The following SDCCAG8 variants were observed in gnomAD, a reference collection of about 807,000 sequenced individuals.
SDCCAG8 encodes the protein serologically defined colon cancer antigen 8.
Under a neutral mutation model 101.8 loss-of-function variants are expected in SDCCAG8, and 74 were observed. The observed-to-expected ratio is 0.73, with a 90% CI of 0.60 to 0.88. The LOEUF (loss-of-function observed/expected upper bound fraction) is 0.88. Ranked by LOEUF, SDCCAG8 falls within the 40% of genes least tolerant of loss-of-function variation. SDCCAG8 has a pLI of 0.00. For synonymous variants in SDCCAG8, 281 were observed against 292.9 expected, an observed-to-expected ratio of 0.96 and a Z score of 0.41; for missense variants, 787 against 822.6, an observed-to-expected ratio of 0.96 and a Z score of 0.53.
intron 16 of SDCCAG8, among the ~76,000 whole-genome samples, chr1:243,472,462 C>T (rs1252420722): frequency 6.6e-6 from 1 of 152,160 alleles, no homozygotes; most frequent in African/African-American, 2.4e-5. Context: ...GGGCAGAGTG[C>T]CCTTCCTCCT....
chr1:243,304,784 T>G lies in SDCCAG8; in HGVS notation c.740+7T>G. On this transcript the variant is annotated splice_region_variant and intron_variant, in intron 7 of 17. Coordinates refer to ENST00000366541, the MANE Select transcript of SDCCAG8 (RefSeq NM_006642.5). ...CCCAATTGAAGTTTTTGAGGTAAAG[T>G]GAAATCGTCCATTTATAGTCATACC... The G allele has an allele frequency of 6.5e-7, 1 of 1,530,212 alleles. No individual in the cohort carries two copies. Among genetic ancestry groups the G allele is most frequent in the Non-Finnish European group, 9.1e-7 (1 of 1,103,658 alleles). The allele number at this position is 1,530,212 out of a possible 1,614,324, so 94.8% of individuals were successfully genotyped here.
At chr1:243,294,482 G>GGGAGAGAGAGAGAGAGAAAGAGAGAGAGA (rs1259035129) in intron 6 of SDCCAG8, among the ~76,000 whole-genome samples, 4 of 99,970 alleles carry the variant, frequency 4.0e-5, no homozygotes, top group Non-Finnish European at 7.9e-5. Flanking sequence ...GTGGGGGGGG[G>GGGAGAGAGAGAGAGAGAAAGAGAGAGAGA]GAGAGAGAGA....
intron 13 of SDCCAG8, among the ~76,000 whole-genome samples, chr1:243,391,107 T>C (rs983048095): frequency 6.6e-6 from 1 of 152,236 alleles, no homozygotes; most frequent in Admixed American, 6.5e-5. Context: ...CTTTGATATT[T>C]AGTTTCTTCT....
In SDCCAG8 at chr1:243,474,762, A is replaced by G. The variant is rs141474750; in HGVS notation, c.1986-14252A>G. On this transcript the variant is annotated intron_variant, in intron 16 of 17. Coordinates refer to ENST00000366541, the MANE Select transcript of SDCCAG8 (RefSeq NM_006642.5). The surrounding 1 kb of genome is among the most constrained non-coding windows in gnomAD (Gnocchi z 4.7). The stretch of plus-strand genomic sequence containing the variant: ...GCGTGGCAGCGCAGGGCTCGGCTAG[A>G]TGCGCTCCTCCTCGGACTGGTTGAG... Among the ~76,000 whole-genome samples, 10 of 152,298 alleles carry G rather than the reference A, an allele frequency of 6.6e-5. No homozygotes were observed. The highest frequency in any genetic ancestry group is 1.3e-4 in the Non-Finnish European group (9 of 68,024).
At chr1:243,486,202 CAAAAAAAAAAAAAAA>C (rs57724631) in intron 16 of SDCCAG8, among the ~76,000 whole-genome samples, 16 of 61,420 alleles carry the variant, frequency 2.6e-4, no homozygotes, top group Non-Finnish European at 4.0e-4. Context: ...ACTCTGCCTC[CAAAAAAAAAAAAAAA>C]AAAAAAAAAA....
intron 11 of SDCCAG8, among the ~76,000 whole-genome samples, 179 bp downstream of exon 11, chr1:243,341,352 A>G (rs1237294465): frequency 2.0e-5 from 3 of 152,260 alleles, no homozygotes; most frequent in East Asian, 1.9e-4. Context: ...CAGTTACTAC[A>G]TGCAGCCCCT....
chr1:243,500,068 T>C lies in SDCCAG8; in HGVS notation c.*283T>C. 2.3e-6 allele frequency: 1 copy of C among 435,790 alleles called. No individual in the cohort carries two copies. The highest frequency in any genetic ancestry group is 1.9e-5 in the African/African-American group (1 of 51,454). 27.0% of individuals were successfully genotyped at this position (435,790 alleles called of 1,614,324 possible). A position where few individuals can be genotyped will look rare whatever the true frequency, so the allele number is the denominator to read the frequency against. On this transcript the variant is annotated 3_prime_UTR_variant, in exon 18 of 18. Coordinates refer to ENST00000366541, the MANE Select transcript of SDCCAG8 (RefSeq NM_006642.5). ...CGTATGCTAGGTTATACATATGATT[T>C]TCAATAAATGAACTTTTTAAAGACT...
chr1:243,401,178 T>TCC, intron 13 of SDCCAG8, among the ~76,000 whole-genome samples: 1 of 152,344 alleles, frequency 6.6e-6, no homozygotes, highest in Middle Eastern at 3.4e-3. Context: ...CTCCTAGCTT[T>TCC]CCCACCTGCC....
At chr1:243,493,480 T>C (rs1667071501) in intron 17 of SDCCAG8, among the ~76,000 whole-genome samples, 1 of 152,108 alleles carries the variant, frequency 6.6e-6, no homozygotes, top group Admixed American at 6.5e-5. Flanking sequence ...TGTGTCTGCT[T>C]TCTTATTTGG....
chr1:243,464,265 T>G (rs1659705426), intron 16 of SDCCAG8, among the ~76,000 whole-genome samples: 1 of 152,200 alleles, frequency 6.6e-6, no homozygotes, highest in Admixed American at 6.5e-5. Flanking sequence ...GTTCCCATCC[T>G]CTGGGGTGGG....
chr1:243,359,934 ATGTT>A (rs2076600858), intron 12 of SDCCAG8, among the ~76,000 whole-genome samples: 1 of 152,228 alleles, frequency 6.6e-6, no homozygotes, highest in African/African-American at 2.4e-5. Flanking sequence ...TGTGTTGAAA[ATGTT>A]TGATCAGTCT....
chr1:243,344,293 A>C lies in SDCCAG8; in HGVS notation c.1435A>C (p.Arg479=). Residue 479 remains arginine, a synonymous_variant, in exon 12 of 18, where the codon AGA becomes CGA. Transcript: ENST00000366541. ...DEAEKEHREF[R]AKTNRDLEIK... ...GGCAGAAAAGGAGCACAGAGAGTTC[A>C]GAGCAAAAACTAACAGGGATCTTGA... 6.2e-7 allele frequency: 1 copy of C among 1,614,020 alleles called. No homozygotes were observed. Among genetic ancestry groups the C allele is most frequent in the Non-Finnish European group, 8.5e-7 (1 of 1,179,914 alleles).
chr1:243,321,256 A>G (rs560729203), intron 9 of SDCCAG8, among the ~76,000 whole-genome samples: 1 of 152,280 alleles, frequency 6.6e-6, no homozygotes, highest in African/African-American at 2.4e-5. Flanking sequence ...ATCCTTCATT[A>G]AACTTTTAAA....
chr1:243,423,505 G>A lies in SDCCAG8; in HGVS notation c.1854-2922G>A, dbSNP rs141333955. Among the ~76,000 whole-genome samples the A allele has an allele frequency of 1.5e-3, 223 of 152,130 alleles. 1 individual carries two copies. The highest frequency in any genetic ancestry group is 5.0e-3 in the African/African-American group (206 of 41,528). Reference sequence around the variant, plus strand: ...AACAAAACTTTATTAAATGATTTGCGTGTATAAGAATTATTAGGCTTTTAA... The same window carrying A: ...AACAAAACTTTATTAAATGATTTGCATGTATAAGAATTATTAGGCTTTTAA... On this transcript the variant is annotated intron_variant, in intron 15 of 17. Transcript: ENST00000366541.
chr1:243,496,703 A>C (rs922648879), intron 17 of SDCCAG8, among the ~76,000 whole-genome samples: 10 of 152,254 alleles, frequency 6.6e-5, no homozygotes, highest in African/African-American at 2.4e-4. Context: ...ACAAAGCAGC[A>C]GCAAAGGCTG....
intron 15 of SDCCAG8, among the ~76,000 whole-genome samples, chr1:243,424,304 A>G (rs1055863153): frequency 2.6e-5 from 4 of 151,368 alleles, no homozygotes; most frequent in African/African-American, 9.7e-5. Context: ...TCCACACACA[A>G]CCTCCCCCAC....
At chr1:243,309,370 C>T (rs2072486188) in intron 8 of SDCCAG8, among the ~76,000 whole-genome samples, 1 of 152,204 alleles carries the variant, frequency 6.6e-6, no homozygotes, top group South Asian at 2.1e-4. Context: ...CTATATAGTA[C>T]TTAAAACACT....
chr1:243,423,218 A>G (rs757210561), intron 15 of SDCCAG8, among the ~76,000 whole-genome samples: 2 of 152,154 alleles, frequency 1.3e-5, no homozygotes, highest in Non-Finnish European at 2.9e-5. Flanking sequence ...TATAAATAAC[A>G]TTTATATTTT....
chr1:243,396,650 T>A (rs2147959020), intron 13 of SDCCAG8, among the ~76,000 whole-genome samples: 1 of 152,344 alleles, frequency 6.6e-6, no homozygotes, highest in South Asian at 2.1e-4. Flanking sequence ...GTTTATGATA[T>A]TTTGATTTCA....
Sources: allele counts gnomAD v4.1 joint callset (sites outside exome capture counted in the v4.1 genomes callset), GRCh38; gene constraint gnomAD v4.1.1; non-coding constraint Gnocchi (gnomAD v3.1); transcripts MANE v1.5; gene names NCBI Gene and HGNC (gene_info 2026-07-23, HGNC 2026-07-21).